Variants in NFE2L1 observed in about 807,000 individuals in gnomAD.
NFE2L1 encodes the protein endoplasmic reticulum membrane sensor NFE2L1.
In NFE2L1, 18 loss-of-function variants were observed where a neutral mutation model predicts 61.6. The observed-to-expected ratio is 0.29, with a 90% confidence interval of 0.20 to 0.43. The LOEUF is 0.43. Among genes scored for constraint, NFE2L1 ranks in the 20% least tolerant of loss-of-function variants. The pLI is 1.00. For synonymous variants in NFE2L1, 419 were observed against 402.7 expected, an observed-to-expected ratio of 1.04 and a Z score of -0.48; for missense variants, 827 against 973.5, an observed-to-expected ratio of 0.85 and a Z score of 2.00.
Position 48,058,861 on chromosome 17 carries a change from T to TGCCTCTTCCTCC in NFE2L1, c.1540_1551dup (p.Ala514_Ser517dup). 6.2e-7 allele frequency: 1 copy of TGCCTCTTCCTCC among 1,613,806 alleles called. No homozygotes were observed. The highest frequency in any genetic ancestry group is 8.5e-7 in the Non-Finnish European group (1 of 1,180,012). On this transcript the variant is annotated inframe_insertion, in exon 6 of 6. Transcript: ENST00000362042. ...CCTCTTCTTCCTCTGCTTCTTCCTC[T>TGCCTCTTCCTCC]GCCTCTTCCTCCTTTTCTGAGGAAG...
intron 2 of NFE2L1, chr17:48,054,779 G>T (rs1201423653): frequency 7.6e-7 from 1 of 1,317,296 alleles, no homozygotes; most frequent in Non-Finnish European, 9.7e-7. Flanking sequence ...CAGGGTGGGG[G>T]CAGCTGGGCG....
intron 2 of NFE2L1, chr17:48,054,806 G>A (rs2037351021): frequency 7.5e-7 from 1 of 1,334,720 alleles, no homozygotes; most frequent in Non-Finnish European, 9.6e-7. Context: ...TGGAACTGGG[G>A]TTGTGAGGTG....
In NFE2L1 at chr17:48,056,865, G is replaced by A. The variant is rs117232302; in HGVS notation, c.724-167G>A. ...TGTAGCATCTTCCTGCTTGCTTCAG[G>A]ACTCTTTCACTCTCTTCTGTTGTTT... On this transcript the variant is annotated intron_variant, in intron 3 of 5. Coordinates refer to ENST00000362042, the MANE Select transcript of NFE2L1 (RefSeq NM_003204.3). Among the ~76,000 whole-genome samples the A allele has an allele frequency of 3.5e-3, 483 of 139,944 alleles. 10 individuals are homozygous for A. The East Asian group carries it at 0.058, about 17-fold the overall frequency. The allele number at this position is 139,944 out of a possible 152,430, so 91.8% of individuals were successfully genotyped here. A position where few individuals can be genotyped will look rare whatever the true frequency, so the allele number is the denominator to read the frequency against.
Position 48,058,710 on chromosome 17 carries a change from C to T in NFE2L1, c.1388C>T (p.Pro463Leu), listed in dbSNP as rs2037467990. 1 of 1,614,230 alleles carries T rather than the reference C, an allele frequency of 6.2e-7. No homozygotes were observed. Among genetic ancestry groups the T allele is most frequent in the South Asian group, 1.1e-5 (1 of 91,088 alleles). ...CTGGCCATTGAAGAAGGCTTTAACC[C>T]TGTGCAGGCCTCCCAGCTGGAGGAG... ...MDLAIEEGFN[P>L]VQASQLEEEF... is the part of the protein sequence containing the mutation. Residue 463 changes from proline (P) to leucine (L), a missense_variant, in exon 6 of 6, where the codon CCT (proline) becomes CTT (leucine). By Grantham distance (98) the Pro-to-Leu change is moderately conservative. Around this residue, in one of 3 missense-constraint regions of NFE2L1, gnomAD observed 667 missense variants for 748.4 expected, o/e 0.89. Transcript: ENST00000362042.
chr17:48,055,729 G>A (rs2037384889), intron 2 of NFE2L1, among the ~76,000 whole-genome samples: 1 of 152,266 alleles, frequency 6.6e-6, no homozygotes, highest in African/African-American at 2.4e-5. Flanking sequence ...TGGCGGGGAT[G>A]AGTCTTGAGG....
chr17:48,054,819 A>AG, intron 2 of NFE2L1: 1 of 1,280,626 alleles, frequency 7.8e-7, no homozygotes, highest in South Asian at 2.0e-5. Context: ...GTGAGGTGGG[A>AG]GGGGGCTGCT....
chr17:48,051,385 C>A lies in NFE2L1; in HGVS notation c.267C>A (p.Ala89=). The A allele has an allele frequency of 6.2e-7, 1 of 1,614,106 alleles. No individual in the cohort carries two copies. The highest frequency in any genetic ancestry group is 8.5e-7 in the Non-Finnish European group (1 of 1,180,020). Residue 89 remains alanine (A), a synonymous_variant, in exon 2 of 6, where the codon GCC becomes GCA. Transcript: ENST00000362042. ...TARRLLSQVR[A]LDRFQVPTTE... Reference sequence around the variant, plus strand: ...GGCGGCTCCTCAGTCAGGTGAGGGCCCTGGACAGGTTCCAGGTGCCAACCA... The same window carrying A: ...GGCGGCTCCTCAGTCAGGTGAGGGCACTGGACAGGTTCCAGGTGCCAACCA...
In NFE2L1 at chr17:48,051,248, C is replaced by T; in HGVS notation, c.130C>T (p.Leu44=). The stretch of plus-strand genomic sequence containing the variant: ...GCTTCCCCCACTCCGGGAGATCATC[C>T]TGGGGCCCAGTTCTGCCTATACTCA... The part of the protein sequence containing the change: ...SQLPPLREII[L]GPSSAYTQTQ... The change falls in exon 2 of 6, where the codon CTG becomes TTG. Residue 44 remains leucine, a synonymous_variant. Transcript: ENST00000362042. 2 of 1,614,168 alleles carry T rather than the reference C, an allele frequency of 1.2e-6. No homozygotes were observed. Among genetic ancestry groups the T allele is most frequent in the Non-Finnish European group, 1.7e-6 (2 of 1,180,034 alleles).
In NFE2L1 at chr17:48,060,841, G is replaced by C. The variant is rs1384049276; in HGVS notation, c.*1200G>C. On this transcript the variant is annotated 3_prime_UTR_variant, in exon 6 of 6. Coordinates refer to ENST00000362042, the MANE Select transcript of NFE2L1 (RefSeq NM_003204.3). Reference sequence around the variant, plus strand: ...TTGCGCTTTGATTTTTTTAGGGCTTGTGCCCTGTTTCACTTATAGGGTCTA... The same window carrying C: ...TTGCGCTTTGATTTTTTTAGGGCTTCTGCCCTGTTTCACTTATAGGGTCTA... The C allele has an allele frequency of 6.6e-6, 1 of 152,650 alleles. No individual in the cohort carries two copies. The highest frequency in any genetic ancestry group is 1.5e-5 in the Non-Finnish European group (1 of 68,038). 9.5% of individuals were successfully genotyped at this position (152,650 alleles called of 1,614,324 possible).
Position 48,056,682 on chromosome 17 carries a change from C to T in NFE2L1, c.723+84C>T, listed in dbSNP as rs1201058630. On this transcript the variant is annotated intron_variant, in intron 3 of 5. Coordinates refer to ENST00000362042, the MANE Select transcript of NFE2L1 (RefSeq NM_003204.3). ...AGGCTGGAGTTCTTCCAGAAACTTC[C>T]TTTAGAGAAGACAGGTGGTGTGTGG... 2.6e-6 allele frequency: 4 copies of T among 1,511,014 alleles called. No homozygotes were observed. In the Admixed American group the frequency reaches 5.9e-5, roughly 22 times the overall value. 93.6% of individuals were successfully genotyped at this position (1,511,014 alleles called of 1,614,324 possible). A position where few individuals can be genotyped will look rare whatever the true frequency, so the allele number is the denominator to read the frequency against.
In NFE2L1 at chr17:48,061,501, C is replaced by A. The variant is rs1346488987; in HGVS notation, c.*1860C>A. The A allele has an allele frequency of 1.3e-5, 2 of 151,932 alleles. No homozygotes were observed. Among genetic ancestry groups the A allele is most frequent in the Non-Finnish European group, 2.9e-5 (2 of 68,006 alleles). The allele number at this position is 151,932 out of a possible 1,614,324, so 9.4% of individuals were successfully genotyped here. On this transcript the variant is annotated 3_prime_UTR_variant, in exon 6 of 6. Coordinates refer to ENST00000362042, the MANE Select transcript of NFE2L1 (RefSeq NM_003204.3). The stretch of plus-strand genomic sequence containing the variant: ...ATTCATTCTTAAGTGCACTTTTTCC[C>A]CACTTTGAATTTAAATTGAGAATAA...
At position 48,048,387 on chromosome 17, in the gene NFE2L1, C is replaced by CGGCGGT. The variant is rs2037145417; in HGVS notation, c.-582_-577dup. ...CGGAGGCTCCGAGCTCTAGGCCGGCCGGCGGTGGCGGCGGCGAGGCCGGGA... is the reference window on the plus strand; with the variant it reads ...CGGAGGCTCCGAGCTCTAGGCCGGCCGGCGGTGGCGGTGGCGGCGGCGAGGCCGGGA... On this transcript the variant is annotated 5_prime_UTR_variant, in exon 1 of 6. Coordinates refer to ENST00000362042, the MANE Select transcript of NFE2L1 (RefSeq NM_003204.3). 2.0e-5 allele frequency: 3 copies of CGGCGGT among 152,528 alleles called. No homozygotes were observed. The highest frequency in any genetic ancestry group is 4.8e-5 in the African/African-American group (2 of 41,432). 9.4% of individuals were successfully genotyped at this position (152,528 alleles called of 1,614,324 possible).
In NFE2L1 at chr17:48,051,533, G is replaced by A. The variant is rs2037251083; in HGVS notation, c.415G>A (p.Gly139Arg). 3 of 1,614,210 alleles carry A rather than the reference G, an allele frequency of 1.9e-6. No homozygotes were observed. The highest frequency in any genetic ancestry group is 1.7e-6 in the Non-Finnish European group (2 of 1,180,040). The change falls in exon 2 of 6, where the codon GGG becomes AGG. Residue 139 changes from glycine (G) to arginine (R), a missense_variant. Physicochemically the swap from Gly to Arg is moderately radical, Grantham distance 125 (BLOSUM62 -2). This residue lies in a region of NFE2L1 where 667 missense variants were observed against 748.4 expected (regional missense o/e 0.89). Coordinates refer to ENST00000362042, the MANE Select transcript of NFE2L1 (RefSeq NM_003204.3). ...CCAAGATGTGACAGGCCCAGACAAC[G>A]GGGTGCGAGAAAGCGAAACGGAGCA... ...GLQDVTGPDN[G>R]VRESETEQGF...
chr17:48,053,579 T>C (rs1303693176), intron 2 of NFE2L1, among the ~76,000 whole-genome samples: 2 of 152,200 alleles, frequency 1.3e-5, no homozygotes, highest in African/African-American at 4.8e-5. Context: ...GAGATTGGCA[T>C]TCTGCCCAGA....
intron 1 of NFE2L1, among the ~76,000 whole-genome samples, 193 bp from the exon 2 acceptor site, chr17:48,050,414 G>A (rs1357394831): frequency 1.3e-5 from 2 of 152,120 alleles, no homozygotes; most frequent in Admixed American, 6.5e-5. Context: ...AGAAGGTGGA[G>A]GTTGCAGTGA....
rs777903302 is a variant in NFE2L1 at position 48,059,569 on chromosome 17, C to T, written c.2247C>T (p.Leu749=). 8.1e-6 allele frequency: 13 copies of T among 1,604,908 alleles called. No homozygotes were observed. Among genetic ancestry groups the T allele is most frequent in the Admixed American group, 1.7e-5 (1 of 59,510 alleles). The stretch of plus-strand genomic sequence containing the variant: ...AGTACGCCGGGGACGGCAGTGTCCT[C>T]CTCATCCCCCGCACGATGGCCGACC... ...ALQYAGDGSV[L]LIPRTMADQQ... Residue 749 remains leucine (L), a synonymous_variant, in exon 6 of 6, where the codon CTC becomes CTT. Transcript: ENST00000362042. The surrounding 1 kb of genome is among the most constrained non-coding windows in gnomAD (Gnocchi z 6.1).
At chr17:48,049,841 A>C (rs2037202177) in intron 1 of NFE2L1, among the ~76,000 whole-genome samples, 1 of 152,162 alleles carries the variant, frequency 6.6e-6, no homozygotes, top group South Asian at 2.1e-4. Context: ...TGCCTTTTTG[A>C]ACTGAGAAAA....
At chr17:48,055,662 ACTGC>A (rs1156482009) in intron 2 of NFE2L1, among the ~76,000 whole-genome samples, 1 of 151,962 alleles carries the variant, frequency 6.6e-6, no homozygotes, top group Non-Finnish European at 1.5e-5. Context: ...GGATCATCTG[ACTGC>A]CTGAGCCTCC....
chr17:48,050,455 G>C (rs1165080439), intron 1 of NFE2L1, among the ~76,000 whole-genome samples, 152 bp from the exon 2 acceptor site: 1 of 152,018 alleles, frequency 6.6e-6, no homozygotes, highest in Non-Finnish European at 1.5e-5. Context: ...CTCTAGCCTG[G>C]GCGACAGAGT....
Sources: gnomAD v4.1 joint callset for allele counts (sites outside exome capture counted in the v4.1 genomes callset) on GRCh38, gnomAD v4.1.1 for gene constraint, gnomAD v4.1.1 regional missense constraint, Gnocchi (gnomAD v3.1) non-coding constraint, MANE v1.5 for transcripts, NCBI Gene and HGNC (gene_info 2026-07-23, HGNC 2026-07-21) for gene names.